The following ZEB1 variants were observed in gnomAD, a reference collection of about 807,000 sequenced individuals.
ZEB1 encodes zinc finger E-box-binding homeobox 1.
ZEB1 carries 21 observed loss-of-function variants against 84.9 expected under a neutral mutation model. The observed-to-expected ratio is 0.25, with a 90% confidence interval of 0.18 to 0.36. ZEB1 has a LOEUF of 0.36. ZEB1 is among the 10% of genes least tolerant of loss of function. ZEB1 has a pLI of 1.00. For missense variants in ZEB1, 1,104 were observed against 1,330.2 expected (o/e 0.83, Z 2.65); for synonymous variants, 420 against 471.1 (o/e 0.89, Z 1.41).
chr10:31,401,080 T>C (rs1469802287), intron 1 of ZEB1, among the ~76,000 whole-genome samples: 3 of 152,180 alleles, frequency 2.0e-5, no homozygotes, highest in Admixed American at 6.5e-5. Context: ...AGGTGATATA[T>C]TTGTGCATAT....
At chr10:31,323,452 A>C (rs1422849377) in intron 1 of ZEB1, among the ~76,000 whole-genome samples, 1 of 152,118 alleles carries the variant, frequency 6.6e-6, no homozygotes, top group Non-Finnish European at 1.5e-5. Flanking sequence ...GGTAACTAGC[A>C]GTCACTTAGA....
At chr10:31,408,693 T>G (rs1330000083) in intron 1 of ZEB1, among the ~76,000 whole-genome samples, 1 of 144,994 alleles carries the variant, frequency 6.9e-6, no homozygotes, top group Non-Finnish European at 1.5e-5. Context: ...GCTAGCCATA[T>G]GTAGAAAGCT....
At chr10:31,480,301 C>T (rs901128230) in intron 2 of ZEB1, among the ~76,000 whole-genome samples, 15 of 151,976 alleles carry the variant, frequency 9.9e-5, no homozygotes, top group South Asian at 4.1e-4. Flanking sequence ...ATAGTAATAA[C>T]GCTTTCTTGG....
rs965819826 is a variant in ZEB1, at chr10:31,483,271, A to G, written c.260-12505A>G. Among the ~76,000 whole-genome samples, 2 of 152,050 alleles carry G rather than the reference A, an allele frequency of 1.3e-5. 1 individual carries two copies. Among genetic ancestry groups the G allele is most frequent in the Non-Finnish European group, 2.9e-5 (2 of 67,980 alleles). On this transcript the variant is annotated intron_variant, in intron 2 of 8. Transcript: ENST00000424869. ...CCAAATATTATTTATTTTCATACTT[A>G]GAATAGCTCTGTGAGATAGATGTTG...
intron 6 of ZEB1, among the ~76,000 whole-genome samples, chr10:31,517,742 C>A (rs1207887200): frequency 6.6e-6 from 1 of 152,026 alleles, no homozygotes; most frequent in African/African-American, 2.4e-5. Flanking sequence ...GATAAAATAT[C>A]AAGATAATTT....
chr10:31,480,094 A>G (rs1032077018), intron 2 of ZEB1, among the ~76,000 whole-genome samples: 1 of 151,984 alleles, frequency 6.6e-6, no homozygotes, highest in Non-Finnish European at 1.5e-5. Context: ...ATAATGTGAA[A>G]TATTGTTCAA....
At chr10:31,345,207 A>G (rs1367667614) in intron 1 of ZEB1, among the ~76,000 whole-genome samples, 1 of 152,012 alleles carries the variant, frequency 6.6e-6, no homozygotes, top group African/African-American at 2.4e-5. Context: ...TAGTCTTTTC[A>G]TTTATAGTGC....
chr10:31,441,566 TTAAAC>T (rs2058991573), intron 1 of ZEB1, among the ~76,000 whole-genome samples: 2 of 152,108 alleles, frequency 1.3e-5, no homozygotes, highest in South Asian at 4.2e-4. Context: ...TGGGATCTAA[TTAAAC>T]TAAAGAGCTT....
chr10:31,450,787 T>C (rs1429782502), intron 1 of ZEB1, among the ~76,000 whole-genome samples: 2 of 152,184 alleles, frequency 1.3e-5, no homozygotes, highest in Non-Finnish European at 2.9e-5. Flanking sequence ...AAAGCACATA[T>C]ATTTTCTAAT....
intron 1 of ZEB1, among the ~76,000 whole-genome samples, chr10:31,458,336 T>TTGTGTGTGTGTTG (rs1554882635): frequency 2.0e-5 from 2 of 102,264 alleles, no homozygotes; most frequent in Non-Finnish European, 3.4e-5. Flanking sequence ...TGTGTGTGTG[T>TTGTGTGTGTGTTG]TGTGTGTGTG....
At chr10:31,366,591 A>G (rs1297887181) in intron 1 of ZEB1, among the ~76,000 whole-genome samples, 1 of 152,254 alleles carries the variant, frequency 6.6e-6, no homozygotes, top group Non-Finnish European at 1.5e-5. Context: ...TGAGCAGAGA[A>G]TAAAACCATC....
chr10:31,337,591 TC>T (rs1355756050), intron 1 of ZEB1, among the ~76,000 whole-genome samples: 1 of 152,032 alleles, frequency 6.6e-6, no homozygotes, highest in Admixed American at 6.6e-5. Context: ...TTTTGTGAGT[TC>T]TCAAATGTAA....
At chr10:31,464,226 G>A (rs1360034243) in intron 2 of ZEB1, among the ~76,000 whole-genome samples, 1 of 152,058 alleles carries the variant, frequency 6.6e-6, no homozygotes, top group African/African-American at 2.4e-5. Flanking sequence ...AAAAACAGGT[G>A]CCTGTAGTCC....
intron 1 of ZEB1, among the ~76,000 whole-genome samples, chr10:31,339,010 T>G (rs1330748583): frequency 6.6e-6 from 1 of 152,140 alleles, no homozygotes; most frequent in Non-Finnish European, 1.5e-5. Context: ...AAGTAATTTG[T>G]GAAGAAACTA....
intron 1 of ZEB1, among the ~76,000 whole-genome samples, chr10:31,378,435 C>CTACTA: frequency 6.6e-6 from 1 of 151,444 alleles, no homozygotes; most frequent in Admixed American, 6.6e-5. Context: ...CCTTTATAGG[C>CTACTA]TTAGTAGAAG....
intron 1 of ZEB1, among the ~76,000 whole-genome samples, chr10:31,422,512 T>G (rs1591095259): frequency 6.6e-6 from 1 of 152,164 alleles, no homozygotes; most frequent in South Asian, 2.1e-4. Context: ...CCTTACCTGG[T>G]TTTACTGTTG....
At position 31,395,672 on chromosome 10, in the gene ZEB1, C is replaced by A. The variant is rs567747797; in HGVS notation, c.59-65365C>A. Among the ~76,000 whole-genome samples the A allele has an allele frequency of 7.5e-4, 114 of 152,206 alleles. No individual in the cohort carries two copies. The Middle Eastern group carries it at 0.01, about 14-fold the overall frequency. ...ACATCAGAGAGCAGGTTGAATGCAC[C>A]TGATTTTAAAGGAAGATTATGCCAA... On this transcript the variant is annotated intron_variant, in intron 1 of 8. Transcript: ENST00000424869.
intron 1 of ZEB1, among the ~76,000 whole-genome samples, chr10:31,367,447 G>A (rs1356563545): frequency 6.6e-6 from 1 of 152,116 alleles, no homozygotes; most frequent in Non-Finnish European, 1.5e-5. Context: ...GATTGTATTA[G>A]CTCTGCTTTC....
At chr10:31,375,090 C>CACACAG (rs1204880411) in intron 1 of ZEB1, 45 of 140,016 alleles carry the variant, frequency 3.2e-4, no homozygotes, top group South Asian at 8.8e-4. Flanking sequence ...CACACACACA[C>CACACAG]AGAGAAGCAT....
Sources: allele counts gnomAD v4.1 joint callset (sites outside exome capture counted in the v4.1 genomes callset), GRCh38; gene constraint gnomAD v4.1.1; transcripts MANE v1.5; gene names NCBI Gene and HGNC (gene_info 2026-07-23, HGNC 2026-07-21).